POLD3: variants seen among roughly 807,000 people sequenced by gnomAD.
POLD3 encodes the protein DNA polymerase delta 3, accessory subunit, also known as DNA polymerase delta subunit 3.
POLD3 carries 19 observed loss-of-function variants against 58.2 expected under a neutral mutation model. That is an observed-to-expected ratio of 0.33 (90% confidence interval 0.23 to 0.48). The LOEUF (loss-of-function observed/expected upper bound fraction) is 0.48. Among genes scored for constraint, POLD3 ranks in the 20% least tolerant of loss-of-function variants. POLD3 has a pLI of 0.99. For synonymous variants in POLD3, 172 were observed against 193.5 expected, an observed-to-expected ratio of 0.89 and a Z score of 0.92; for missense variants, 504 against 545.5, an observed-to-expected ratio of 0.92 and a Z score of 0.76.
chr11:74,594,886 G>A (rs1179409789), intron 2 of POLD3, among the ~76,000 whole-genome samples: 1 of 152,172 alleles, frequency 6.6e-6, no homozygotes, highest in Non-Finnish European at 1.5e-5. Flanking sequence ...GAGCATGGGG[G>A]AACTGCCCCC....
intron 9 of POLD3, among the ~76,000 whole-genome samples, chr11:74,633,991 T>A (rs2032672667): frequency 6.6e-6 from 1 of 152,202 alleles, no homozygotes; most frequent in Non-Finnish European, 1.5e-5. Context: ...AAAGTAACCC[T>A]TAGGTCACAG....
chr11:74,640,762 A>G lies in POLD3; in HGVS notation c.1397A>G (p.Lys466Arg). The change falls in exon 12 of 12, where the codon AAA (lysine) becomes AGA (arginine). Residue 466 changes from lysine to arginine, a missense_variant. By Grantham distance (26) the Lys-to-Arg change is conservative. This residue lies in a region of POLD3 where 385 missense variants were observed against 370.5 expected (regional missense o/e 1.04). Coordinates refer to ENST00000263681, the MANE Select transcript of POLD3 (RefSeq NM_006591.3). Reference sequence around the variant, plus strand: ...TCCATTACTGGCTTCTTCCAGAGGAAATAAACTGCCATCTCTGGTAGATCA... The same window carrying G: ...TCCATTACTGGCTTCTTCCAGAGGAGATAAACTGCCATCTCTGGTAGATCA... The part of the protein sequence containing the change: ...QVSITGFFQR[K>R] 6.3e-7 allele frequency: 1 copy of G among 1,584,958 alleles called. No individual in the cohort carries two copies. Among genetic ancestry groups the G allele is most frequent in the South Asian group, 1.2e-5 (1 of 85,372 alleles).
Position 74,592,713 on chromosome 11 carries a change from A to C in POLD3, c.55A>C (p.Lys19Gln). 6.2e-7 allele frequency: 1 copy of C among 1,614,054 alleles called. No homozygotes were observed. The highest frequency in any genetic ancestry group is 8.5e-7 in the Non-Finnish European group (1 of 1,179,938). The change falls in exon 1 of 12, where the codon AAG becomes CAG. Residue 19 changes from lysine to glutamine, a missense_variant. Around this residue, in one of 2 missense-constraint regions of POLD3, gnomAD observed 119 missense variants for 175.0 expected, o/e 0.68. Coordinates refer to ENST00000263681, the MANE Select transcript of POLD3 (RefSeq NM_006591.3). The stretch of plus-strand genomic sequence containing the variant: ...AGACGAGTTCGTCACGGACCAAAAC[A>C]AGATCGTGAGCAGCTACTACTGGGG... ...NIDEFVTDQN[K>Q]IVTYKWLSYT...
intron 4 of POLD3, among the ~76,000 whole-genome samples, chr11:74,652,372 A>G (rs2033077781): frequency 6.6e-6 from 1 of 152,236 alleles, no homozygotes; most frequent in African/African-American, 2.4e-5. Flanking sequence ...CTTTTCATAC[A>G]TATTGCCAAC....
chr11:74,659,513 A>G (rs1022093723), intron 4 of POLD3, among the ~76,000 whole-genome samples: 1 of 152,154 alleles, frequency 6.6e-6, no homozygotes, highest in Non-Finnish European at 1.5e-5. Flanking sequence ...TCAGGCTGCA[A>G]ATTTTCCAAA....
intron 4 of POLD3, among the ~76,000 whole-genome samples, chr11:74,668,040 A>C (rs555716640): frequency 2.7e-4 from 41 of 152,354 alleles, no homozygotes; most frequent in Non-Finnish European, 5.7e-4. Context: ...ATAACTTTAC[A>C]CCCACTAGAA....
chr11:74,661,639 G>A (rs994151610), intron 4 of POLD3, among the ~76,000 whole-genome samples: 11 of 152,300 alleles, frequency 7.2e-5, no homozygotes, highest in African/African-American at 2.6e-4. Flanking sequence ...TAGGCCTGAA[G>A]CCAGCACAGT....
chr11:74,604,673 C>T lies in POLD3; in HGVS notation c.117-19C>T. ...ACTCTTACTGATGTCTTACTTGTGC[C>T]TTCTTTTCTTTGGAATAGGATGCTG... On this transcript the variant is annotated intron_variant, in intron 2 of 11. Transcript: ENST00000263681. 1 of 1,363,492 alleles carries T rather than the reference C, an allele frequency of 7.3e-7. No homozygotes were observed. The highest frequency in any genetic ancestry group is 1.2e-5 in the South Asian group (1 of 84,896). 84.5% of individuals were successfully genotyped at this position (1,363,492 alleles called of 1,614,324 possible).
chr11:74,652,321 G>A (rs1005894239), intron 4 of POLD3, among the ~76,000 whole-genome samples: 1 of 152,130 alleles, frequency 6.6e-6, no homozygotes, highest in Non-Finnish European at 1.5e-5. Context: ...TAGATTGTTA[G>A]GAATAGAATT....
chr11:74,654,332 G>GT (rs1008702366), intron 4 of POLD3, among the ~76,000 whole-genome samples: 1 of 152,132 alleles, frequency 6.6e-6, no homozygotes, highest in Non-Finnish European at 1.5e-5. Context: ...AGAACAAGGA[G>GT]TATTACCAGA....
chr11:74,602,312 C>T (rs543180985), intron 2 of POLD3, among the ~76,000 whole-genome samples: 1 of 152,268 alleles, frequency 6.6e-6, no homozygotes, highest in South Asian at 2.1e-4. Flanking sequence ...TCAACATCAA[C>T]AGTGACTAAT....
At chr11:74,613,504 TTGG>T (rs1298143604) in intron 5 of POLD3, among the ~76,000 whole-genome samples, 1 of 152,130 alleles carries the variant, frequency 6.6e-6, no homozygotes, top group African/African-American at 2.4e-5. Context: ...ATTTTGGAAA[TTGG>T]TGGTCACAGG....
At chr11:74,607,743 A>T (rs2031746895) in intron 3 of POLD3, among the ~76,000 whole-genome samples, 1 of 151,216 alleles carries the variant, frequency 6.6e-6, no homozygotes, top group South Asian at 2.1e-4. Context: ...CACCACGCCC[A>T]GCTAATTTTT....
At position 74,641,025 on chromosome 11, in the gene POLD3, C is replaced by G. The variant is rs749720388; in HGVS notation, c.*259C>G. On this transcript the variant is annotated 3_prime_UTR_variant, in exon 12 of 12. Transcript: ENST00000263681. The stretch of plus-strand genomic sequence containing the variant: ...GACCTGTCCAGGAGAAGGATTTACT[C>G]CAAAATTATACTGGAACAGTTTTCA... 181 of 1,120,194 alleles carry G rather than the reference C, an allele frequency of 1.6e-4. No individual in the cohort carries two copies. Among genetic ancestry groups the G allele is most frequent in the Non-Finnish European group, 1.9e-4 (176 of 917,508 alleles). 69.4% of individuals were successfully genotyped at this position (1,120,194 alleles called of 1,614,324 possible).
At chr11:74,602,301 T>G (rs1235377442) in intron 2 of POLD3, among the ~76,000 whole-genome samples, 1 of 152,126 alleles carries the variant, frequency 6.6e-6, no homozygotes, top group Non-Finnish European at 1.5e-5. Flanking sequence ...TAGCAACCTT[T>G]TCAACATCAA....
At chr11:74,601,832 T>C (rs1014273509) in intron 2 of POLD3, among the ~76,000 whole-genome samples, 4 of 152,124 alleles carry the variant, frequency 2.6e-5, no homozygotes, top group African/African-American at 7.2e-5. Flanking sequence ...GAAGGGTTCA[T>C]ACTTCATAGA....
In POLD3 at chr11:74,612,985, A is replaced by C; in HGVS notation, c.367A>C (p.Lys123Gln). ...GTTCAATACTGACTATGACATCCTT[A>C]AAAGCAACTTGCAGAACTGCAGCAA... ...PLFNTDYDIL[K>Q]SNLQNCSKFS... The change falls in exon 5 of 12, where the codon AAA becomes CAA. Residue 123 changes from lysine to glutamine, a missense_variant. Physicochemically the swap from Lys to Gln is moderately conservative, Grantham distance 53. Coordinates refer to ENST00000263681, the MANE Select transcript of POLD3 (RefSeq NM_006591.3). The C allele has an allele frequency of 6.2e-7, 1 of 1,611,490 alleles. No homozygotes were observed. Among genetic ancestry groups the C allele is most frequent in the Non-Finnish European group, 8.5e-7 (1 of 1,179,254 alleles).
chr11:74,623,153 G>C (rs1035983315), intron 7 of POLD3, among the ~76,000 whole-genome samples: 2 of 152,220 alleles, frequency 1.3e-5, no homozygotes, highest in Non-Finnish European at 2.9e-5. Context: ...GAAAGTAGGG[G>C]CCGGGTGTGG....
chr11:74,607,642 C>A (rs1407598325), intron 3 of POLD3, among the ~76,000 whole-genome samples: 1 of 151,852 alleles, frequency 6.6e-6, no homozygotes. Flanking sequence ...AGTGCAGTGG[C>A]AGAATCTCGG....
Sources: gnomAD v4.1 joint callset for allele counts (sites outside exome capture counted in the v4.1 genomes callset) on GRCh38, gnomAD v4.1.1 for gene constraint, gnomAD v4.1.1 regional missense constraint, MANE v1.5 for transcripts, NCBI Gene and HGNC (gene_info 2026-07-23, HGNC 2026-07-21) for gene names.